Variants in ZNF280D observed in about 807,000 individuals in gnomAD.
ZNF280D encodes suppressor of hairy wing homolog 4.
A neutral mutation model predicts 94.7 loss-of-function variants in ZNF280D; 39 were observed. The ratio of observed to expected loss-of-function variants is 0.41; its 90% CI spans 0.32 to 0.54. ZNF280D has a LOEUF of 0.54. ZNF280D is among the 20% of genes least tolerant of loss of function. The pLI is 0.22. For synonymous variants in ZNF280D, 398 were observed against 377.6 expected (o/e 1.05, Z -0.63); for missense variants, 1,090 against 1,149.3 (o/e 0.95, Z 0.75).
chr15:56,706,645 C>T (rs2057420532), intron 3 of ZNF280D, among the ~76,000 whole-genome samples: 1 of 151,998 alleles, frequency 6.6e-6, no homozygotes, highest in Admixed American at 6.6e-5. Context: ...ATTGTGTAAG[C>T]CACCCAATCT....
Position 56,710,393 on chromosome 15 carries a change from G to A in ZNF280D, c.-85-3087C>T, listed in dbSNP as rs573203311. Among the ~76,000 whole-genome samples the A allele has an allele frequency of 1.6e-4, 25 of 151,624 alleles. No homozygotes were observed. The South Asian group carries it at 5.2e-3, about 32-fold the overall frequency. ...ACTGTACTCCAGCCTGGGCAAGAGA[G>A]CAAGACTCTGTCTCTCGAAAAAATA... On this transcript the variant is annotated intron_variant, in intron 1 of 21. Coordinates refer to ENST00000267807, the MANE Select transcript of ZNF280D (RefSeq NM_017661.4).
Position 56,630,587 on chromosome 15 carries a change from T to A in ZNF280D, c.*911A>T, listed in dbSNP as rs2140479239. 6.6e-6 allele frequency: 1 copy of A among 152,302 alleles called. No individual in the cohort carries two copies. Among genetic ancestry groups the A allele is most frequent in the Non-Finnish European group, 1.5e-5 (1 of 67,996 alleles). The allele number at this position is 152,302 out of a possible 1,614,324, so 9.4% of individuals were successfully genotyped here. A position where few individuals can be genotyped will look rare whatever the true frequency, so the allele number is the denominator to read the frequency against. On this transcript the variant is annotated 3_prime_UTR_variant, in exon 22 of 22. Coordinates refer to ENST00000267807, the MANE Select transcript of ZNF280D (RefSeq NM_017661.4). ...AGGACATGTTTTCAGTTTACTGCTT[T>A]ACAATATCTACATTATACCATACTT... is the stretch of plus-strand genomic sequence containing the variant.
At position 56,666,801 on chromosome 15, in the gene ZNF280D, T is replaced by C; in HGVS notation, c.1731A>G (p.Thr577=). 1 of 1,613,892 alleles carries C rather than the reference T, an allele frequency of 6.2e-7. No individual in the cohort carries two copies. Among genetic ancestry groups the C allele is most frequent in the South Asian group, 1.1e-5 (1 of 91,076 alleles). ...TVKSNASKPN[T]SKPNGSKSKY... is the part of the protein sequence containing the mutation. ...TAGATTTACTTCCATTAGGCTTACT[T>C]GTATTAGGTTTACTTGCGTTGGATT... The change falls in exon 15 of 22, where the codon ACA becomes ACG. Residue 577 remains threonine (T), a synonymous_variant. Coordinates refer to ENST00000267807, the MANE Select transcript of ZNF280D (RefSeq NM_017661.4).
At chr15:56,692,646 A>G (rs2056490045) in intron 7 of ZNF280D, among the ~76,000 whole-genome samples, 1 of 152,156 alleles carries the variant, frequency 6.6e-6, no homozygotes, top group Non-Finnish European at 1.5e-5. Context: ...AGTTTATAAT[A>G]GCACTTTATA....
intron 10 of ZNF280D, 142 bp downstream of exon 10, chr15:56,682,112 A>G (rs2055659320): frequency 5.2e-6 from 3 of 576,566 alleles, no homozygotes; most frequent in Admixed American, 7.8e-5. Flanking sequence ...GAGCTTTTCA[A>G]CAAGAGAATC....
At chr15:56,696,913 T>A (rs2056780132) in intron 6 of ZNF280D, among the ~76,000 whole-genome samples, 1 of 152,204 alleles carries the variant, frequency 6.6e-6, no homozygotes, top group Non-Finnish European at 1.5e-5. Flanking sequence ...GCCCAAAACA[T>A]TCTGAGTCAG....
intron 6 of ZNF280D, among the ~76,000 whole-genome samples, chr15:56,697,413 G>C (rs1176061650): frequency 6.6e-6 from 1 of 152,132 alleles, no homozygotes; most frequent in East Asian, 1.9e-4. Flanking sequence ...TCAAACTCCT[G>C]ACCTCAGGTG....
At chr15:56,637,118 T>C (rs1217320896) in intron 20 of ZNF280D, among the ~76,000 whole-genome samples, 1 of 152,094 alleles carries the variant, frequency 6.6e-6, no homozygotes, top group South Asian at 2.1e-4. Flanking sequence ...AGAAGCTAGA[T>C]TTCTCTCTGG....
At chr15:56,667,070 A>G in intron 14 of ZNF280D, 84 bp from the exon 15 acceptor site, 3 of 1,158,550 alleles carry the variant, frequency 2.6e-6, no homozygotes, top group Non-Finnish European at 3.5e-6. Flanking sequence ...ATAGTTAAAA[A>G]TCAAGAATTT....
chr15:56,723,156 C>T (rs1364861809), intron 1 of ZNF280D, among the ~76,000 whole-genome samples: 2 of 151,722 alleles, frequency 1.3e-5, no homozygotes, highest in African/African-American at 4.8e-5. Context: ...TGCAGCACAC[C>T]AGCATGGCAC....
At chr15:56,711,938 G>C (rs1339180954) in intron 1 of ZNF280D, among the ~76,000 whole-genome samples, 3 of 152,114 alleles carry the variant, frequency 2.0e-5, no homozygotes, top group African/African-American at 7.2e-5. Context: ...GCATGTTACT[G>C]TACTGAATAC....
At chr15:56,717,161 A>C (rs1424019781) in intron 1 of ZNF280D, among the ~76,000 whole-genome samples, 2 of 152,152 alleles carry the variant, frequency 1.3e-5, no homozygotes, top group Non-Finnish European at 2.9e-5. Context: ...CTGGTACCAG[A>C]GGGAGAGTCT....
intron 13 of ZNF280D, among the ~76,000 whole-genome samples, chr15:56,674,331 G>A (rs559985533): frequency 3.6e-4 from 54 of 152,012 alleles, no homozygotes; most frequent in African/African-American, 1.3e-3. Context: ...AATGCACTAA[G>A]GGTGATGAAG....
At chr15:56,656,176 A>T (rs997437235) in intron 17 of ZNF280D, among the ~76,000 whole-genome samples, 1 of 152,210 alleles carries the variant, frequency 6.6e-6, no homozygotes, top group Non-Finnish European at 1.5e-5. Context: ...GGCTGGTTCC[A>T]ACACTGCTTC....
intron 20 of ZNF280D, among the ~76,000 whole-genome samples, chr15:56,641,695 AT>A (rs1267273075): frequency 6.6e-6 from 1 of 151,882 alleles, no homozygotes; most frequent in Non-Finnish European, 1.5e-5. Flanking sequence ...CAAATTAGGC[AT>A]AATTATTTTA....
At position 56,678,695 on chromosome 15, in the gene ZNF280D, G is replaced by C. The variant is rs373260761; in HGVS notation, c.1131C>G (p.Ile377Met). The C allele has an allele frequency of 6.2e-7, 1 of 1,612,220 alleles. No individual in the cohort carries two copies. The highest frequency in any genetic ancestry group is 1.7e-5 in the Admixed American group (1 of 59,612). ...ATTCATGGGGCGTATGTGTACTTTC[G>C]ATGTGACACTGCAACTGAAATGGTG... ...FPTPFQLQCH[I>M]ESTHTPHEFS... Residue 377 changes from isoleucine (I) to methionine (M), a missense_variant, in exon 11 of 22, where the codon ATC (isoleucine) becomes ATG (methionine). Coordinates refer to ENST00000267807, the MANE Select transcript of ZNF280D (RefSeq NM_017661.4).
intron 19 of ZNF280D, chr15:56,653,176 A>G: frequency 9.7e-7 from 1 of 1,032,298 alleles, no homozygotes; most frequent in Non-Finnish European, 1.2e-6. Flanking sequence ...TGGTTTCCTA[A>G]CAACTAGAGT....
intron 1 of ZNF280D, among the ~76,000 whole-genome samples, chr15:56,722,791 C>T (rs1245568828): frequency 1.3e-5 from 2 of 151,842 alleles, no homozygotes; most frequent in African/African-American, 4.8e-5. Flanking sequence ...CTGTTTATTG[C>T]GGCATTATTC....
chr15:56,707,014 C>T, intron 3 of ZNF280D, 68 bp downstream of exon 3: 4 of 1,485,530 alleles, frequency 2.7e-6, no homozygotes, highest in Non-Finnish European at 3.7e-6. Flanking sequence ...CAACTTTCAT[C>T]CTTTCTCCTG....
Sources: allele counts gnomAD v4.1 joint callset (sites outside exome capture counted in the v4.1 genomes callset), GRCh38; gene constraint gnomAD v4.1.1; transcripts MANE v1.5; gene names NCBI Gene and HGNC (gene_info 2026-07-23, HGNC 2026-07-21).